Variants in RPH3A observed in about 807,000 individuals in gnomAD.
The protein encoded by RPH3A is rabphilin 3A.
Under a neutral mutation model 102.2 loss-of-function variants are expected in RPH3A, and 48 were observed. The ratio of observed to expected loss-of-function variants is 0.47; its 90% CI spans 0.37 to 0.60. The LOEUF (loss-of-function observed/expected upper bound fraction) is 0.60. Among genes scored for constraint, RPH3A ranks in the 20% least tolerant of loss-of-function variants. The pLI, the probability that RPH3A is intolerant of heterozygous loss-of-function variation, is 0.00. For synonymous variants in RPH3A, 310 were observed against 324.3 expected (o/e 0.96, Z 0.47); for missense variants, 781 against 910.1 (o/e 0.86, Z 1.83).
At chr12:112,878,743 G>A (rs1387562348) in intron 13 of RPH3A, among the ~76,000 whole-genome samples, 1 of 152,218 alleles carries the variant, frequency 6.6e-6, no homozygotes, top group East Asian at 1.9e-4. Context: ...CAGGCAGAGG[G>A]AACAGCAAAT....
intron 16 of RPH3A, 46 bp from the exon 17 acceptor site, chr12:112,887,751 A>G: frequency 6.3e-7 from 1 of 1,599,534 alleles, no homozygotes; most frequent in African/African-American, 1.3e-5. Context: ...GTGGTGTCTT[A>G]ATATTTGTTC....
At chr12:112,725,250 GAAAAAAA>G (rs35952537) in intron 1 of RPH3A, among the ~76,000 whole-genome samples, 93 of 63,064 alleles carry the variant, frequency 1.5e-3, no homozygotes, top group East Asian at 9.6e-3. Flanking sequence ...CTTTGTCTCA[GAAAAAAA>G]AAAAAAAAAA....
At chr12:112,849,049 A>T (rs1401883665) in intron 5 of RPH3A, among the ~76,000 whole-genome samples, 4 of 152,178 alleles carry the variant, frequency 2.6e-5, no homozygotes, top group Non-Finnish European at 4.4e-5. Context: ...AGCCATTGCC[A>T]ACTGCTTACA....
chr12:112,881,056 C>T (rs574054487), intron 14 of RPH3A, among the ~76,000 whole-genome samples: 9 of 152,130 alleles, frequency 5.9e-5, no homozygotes, highest in Admixed American at 4.6e-4. Context: ...AGTTCACACC[C>T]GTGTTGTTCA....
At chr12:112,594,307 C>G (rs1399092130) in intron 1 of RPH3A, among the ~76,000 whole-genome samples, 1 of 152,262 alleles carries the variant, frequency 6.6e-6, no homozygotes, top group Non-Finnish European at 1.5e-5. Flanking sequence ...CTTATTCCGT[C>G]TATATTCCTG....
chr12:112,710,701 C>G (rs2040454841), intron 1 of RPH3A, among the ~76,000 whole-genome samples: 1 of 152,186 alleles, frequency 6.6e-6, no homozygotes, highest in African/African-American at 2.4e-5. Flanking sequence ...GTACAGTCAG[C>G]AGGAAGATAT....
chr12:112,661,315 G>A (rs559413895), intron 1 of RPH3A, among the ~76,000 whole-genome samples: 12 of 152,078 alleles, frequency 7.9e-5, no homozygotes, highest in Non-Finnish European at 1.5e-4. Context: ...TTCAAATCTT[G>A]GATCTACTAC....
At chr12:112,822,602 GAGTCTTTGTAGC>G (rs1038475094) in intron 2 of RPH3A, among the ~76,000 whole-genome samples, 17 of 151,782 alleles carry the variant, frequency 1.1e-4, no homozygotes, top group African/African-American at 3.7e-4. Flanking sequence ...GGTTAGGACA[GAGTCTTTGTAGC>G]AGTCTGAGAT....
chr12:112,801,703 T>G (rs1326759008), intron 2 of RPH3A, among the ~76,000 whole-genome samples: 1 of 152,186 alleles, frequency 6.6e-6, no homozygotes. Context: ...AGAGTTGAGT[T>G]ATTTTTCCCT....
At chr12:112,826,561 G>C (rs889335706) in intron 2 of RPH3A, among the ~76,000 whole-genome samples, 1 of 152,068 alleles carries the variant, frequency 6.6e-6, no homozygotes, top group Non-Finnish European at 1.5e-5. Flanking sequence ...TTCACCCCAT[G>C]GAGGCCCCCT....
intron 1 of RPH3A, among the ~76,000 whole-genome samples, chr12:112,590,211 T>C (rs1592896207): frequency 6.6e-6 from 1 of 152,306 alleles, no homozygotes; most frequent in Middle Eastern, 3.4e-3. Context: ...CCATTAGTGC[T>C]GAGAAAAGAG....
intron 1 of RPH3A, among the ~76,000 whole-genome samples, chr12:112,727,034 CAAAT>C (rs987296032): frequency 6.6e-6 from 1 of 151,424 alleles, no homozygotes; most frequent in Admixed American, 6.6e-5. Context: ...AATAAATAAA[CAAAT>C]AAATAAATAA....
Position 112,896,956 on chromosome 12 carries a change from C to T in RPH3A, c.*176C>T, listed in dbSNP as rs992063210. Reference sequence around the variant, plus strand: ...CACTGCTGCCAAAGACTCCCTCCTCCCTGATGCTGGGATGTGGGCTCTGAA... The same window carrying T: ...CACTGCTGCCAAAGACTCCCTCCTCTCTGATGCTGGGATGTGGGCTCTGAA... On this transcript the variant is annotated 3_prime_UTR_variant, in exon 22 of 22. Transcript: ENST00000389385. The T allele has an allele frequency of 1.6e-6, 1 of 623,522 alleles. No homozygotes were observed. The highest frequency in any genetic ancestry group is 2.0e-5 in the South Asian group (1 of 49,578). 38.6% of individuals were successfully genotyped at this position (623,522 alleles called of 1,614,324 possible).
intron 1 of RPH3A, among the ~76,000 whole-genome samples, chr12:112,691,329 T>TA (rs201263882): frequency 0.015 from 2,335 of 151,660 alleles, 64 homozygotes; most frequent in African/African-American, 0.053. Flanking sequence ...TCTTTCAGTG[T>TA]AAAAAAAAGC....
intron 1 of RPH3A, among the ~76,000 whole-genome samples, chr12:112,780,755 C>T (rs2041002250): frequency 6.6e-6 from 1 of 152,176 alleles, no homozygotes; most frequent in South Asian, 2.1e-4. Context: ...CTTCCTTTCC[C>T]TGCAGCTCCC....
chr12:112,634,269 A>C, intron 1 of RPH3A, among the ~76,000 whole-genome samples: 2 of 38,010 alleles, frequency 5.3e-5, no homozygotes, highest in Non-Finnish European at 9.1e-5. Context: ...AATGGCGTGA[A>C]CCCGGGAGGC....
At chr12:112,826,588 C>G (rs966181736) in intron 2 of RPH3A, among the ~76,000 whole-genome samples, 2 of 152,184 alleles carry the variant, frequency 1.3e-5, no homozygotes, top group Non-Finnish European at 2.9e-5. Context: ...CCTTCTGAAT[C>G]AATAGCCTCC....
At chr12:112,663,087 T>TGTGTGTGTGTGTGTGA (rs1291107852) in intron 1 of RPH3A, among the ~76,000 whole-genome samples, 14 of 147,488 alleles carry the variant, frequency 9.5e-5, no homozygotes, top group African/African-American at 3.6e-4. Context: ...TGTGTGTGTG[T>TGTGTGTGTGTGTGTGA]GAAAGAGAGA....
At chr12:112,890,118 C>G in intron 18 of RPH3A, 38 bp downstream of exon 18, 1 of 1,574,102 alleles carries the variant, frequency 6.4e-7, no homozygotes, top group African/African-American at 1.3e-5. Flanking sequence ...CAGTCAGGGT[C>G]TGTACTGGGC....
Sources: allele counts gnomAD v4.1 joint callset (sites outside exome capture counted in the v4.1 genomes callset), GRCh38; gene constraint gnomAD v4.1.1; transcripts MANE v1.5; gene names NCBI Gene and HGNC (gene_info 2026-07-23, HGNC 2026-07-21).